SMIM3: variants seen among roughly 807,000 people sequenced by gnomAD.
The protein encoded by SMIM3 is NGF-induced differentiation clone 67 protein.
Under a neutral mutation model 2.1 loss-of-function variants are expected in SMIM3, and 4 were observed. That is an observed-to-expected ratio of 1.89 (90% CI 0.93 to 4.31). The LOEUF (loss-of-function observed/expected upper bound fraction) is 4.31. SMIM3 is among the 30% of genes most tolerant of loss of function. The probability of loss-of-function intolerance (pLI) is 0.01; values close to 1 mark genes in which losing one functional copy is unlikely to be tolerated. For missense variants in SMIM3, 79 were observed against 77.7 expected, an observed-to-expected ratio of 1.02 and a Z score of -0.06; for synonymous variants, 29 against 30.8, an observed-to-expected ratio of 0.94 and a Z score of 0.19.
At chr5:150,785,086 T>G (rs1357984637) in intron 1 of SMIM3, among the ~76,000 whole-genome samples, 1 of 106,434 alleles carries the variant, frequency 9.4e-6, no homozygotes, top group African/African-American at 6.0e-5. Flanking sequence ...AAAATGTCTT[T>G]TTTTTTTTTT....
intron 1 of SMIM3, among the ~76,000 whole-genome samples, chr5:150,779,736 G>A (rs1169572627): frequency 6.6e-6 from 1 of 151,972 alleles, no homozygotes; most frequent in Non-Finnish European, 1.5e-5. Flanking sequence ...CCTGTCTATC[G>A]TCATCTCTGA....
intron 1 of SMIM3, among the ~76,000 whole-genome samples, chr5:150,785,172 C>G (rs1158245623): frequency 6.9e-6 from 1 of 145,420 alleles, no homozygotes; most frequent in Admixed American, 7.1e-5. Context: ...ACTGCAACCT[C>G]TGCCTCCCAG....
chr5:150,782,095 G>T (rs991470119), intron 1 of SMIM3, among the ~76,000 whole-genome samples: 5 of 152,318 alleles, frequency 3.3e-5, no homozygotes, highest in Admixed American at 3.3e-4. Context: ...AGAGACAGGG[G>T]CCAGTTGGGG....
chr5:150,790,838 G>C (rs1753342574), intron 1 of SMIM3, among the ~76,000 whole-genome samples: 1 of 152,034 alleles, frequency 6.6e-6, no homozygotes, highest in South Asian at 2.1e-4. Context: ...ACTGTCTTAA[G>C]GTCACTTACC....
chr5:150,778,959 C>T lies in SMIM3; in HGVS notation c.-25C>T. 1 of 511,158 alleles carries T rather than the reference C, an allele frequency of 2.0e-6. No individual in the cohort carries two copies. The highest frequency in any genetic ancestry group is 1.5e-5 in the South Asian group (1 of 67,768). 31.7% of individuals were successfully genotyped at this position (511,158 alleles called of 1,614,324 possible). A position where few individuals can be genotyped will look rare whatever the true frequency, so the allele number is the denominator to read the frequency against. ...CTGACCCAGGAACTTTCCGCAGACTCGCCGCCATCTGGGGTGAGTGGGGCC... is the reference window on the plus strand; with the variant it reads ...CTGACCCAGGAACTTTCCGCAGACTTGCCGCCATCTGGGGTGAGTGGGGCC... On this transcript the variant is annotated 5_prime_UTR_variant, in exon 1 of 2. Coordinates refer to ENST00000526627, the MANE Select transcript of SMIM3 (RefSeq NM_032947.5).
At chr5:150,781,249 T>C (rs905401337) in intron 1 of SMIM3, among the ~76,000 whole-genome samples, 2 of 152,218 alleles carry the variant, frequency 1.3e-5, no homozygotes, top group Admixed American at 1.3e-4. Context: ...CTCTGTCACT[T>C]ACTTTCAGGG....
chr5:150,783,914 CT>C lies in SMIM3; in HGVS notation c.-12+4965del, dbSNP rs557905770. On this transcript the variant is annotated intron_variant, in intron 1 of 1. Transcript: ENST00000526627. ...ACTAATGGCAGAGGCTTTGAACTCCCTTTTTTTTTTTTTTTTTTTTTTTGAT... is the reference window on the plus strand; with the variant it reads ...ACTAATGGCAGAGGCTTTGAACTCCCTTTTTTTTTTTTTTTTTTTTTTGAT... Among the ~76,000 whole-genome samples the C allele has an allele frequency of 5.5e-3, 679 of 124,312 alleles. 3 individuals carry two copies. The highest frequency in any genetic ancestry group is 0.015 in the African/African-American group (445 of 29,776). 81.6% of individuals were successfully genotyped at this position (124,312 alleles called of 152,430 possible).
At chr5:150,779,677 G>A (rs1002798014) in intron 1 of SMIM3, among the ~76,000 whole-genome samples, 1 of 152,284 alleles carries the variant, frequency 6.6e-6, no homozygotes, top group Non-Finnish European at 1.5e-5. Context: ...GTTGCTGGTT[G>A]TTTTGCTCCC....
chr5:150,790,183 T>G (rs1169315227), intron 1 of SMIM3, among the ~76,000 whole-genome samples: 2 of 152,176 alleles, frequency 1.3e-5, no homozygotes, highest in African/African-American at 2.4e-5. Context: ...TCATTCTAGC[T>G]TTAATGTTCC....
intron 1 of SMIM3, among the ~76,000 whole-genome samples, chr5:150,790,094 T>A (rs1581622573): frequency 6.6e-6 from 1 of 152,240 alleles, no homozygotes; most frequent in South Asian, 2.1e-4. Flanking sequence ...TGTATTTGAA[T>A]GATTATTCCC....
chr5:150,792,628 G>A (rs926970120), intron 1 of SMIM3, among the ~76,000 whole-genome samples: 4 of 152,112 alleles, frequency 2.6e-5, no homozygotes, highest in African/African-American at 9.7e-5. Flanking sequence ...TGGACCTCCT[G>A]GGCTCAAGCA....
Position 150,778,874 on chromosome 5 carries a change from T to A in SMIM3, c.-110T>A. On this transcript the variant is annotated 5_prime_UTR_variant, in exon 1 of 2. Coordinates refer to ENST00000526627, the MANE Select transcript of SMIM3 (RefSeq NM_032947.5). Reference sequence around the variant, plus strand: ...AGGGCTGAGGTTCCAGGCCTGGGGGTCGCTTCCAGCTGCCAGATCCCGTGC... The same window carrying A: ...AGGGCTGAGGTTCCAGGCCTGGGGGACGCTTCCAGCTGCCAGATCCCGTGC... The A allele has an allele frequency of 2.0e-6, 1 of 490,350 alleles. No individual in the cohort carries two copies. The highest frequency in any genetic ancestry group is 4.2e-6 in the Non-Finnish European group (1 of 238,872). The allele number at this position is 490,350 out of a possible 1,614,324, so 30.4% of individuals were successfully genotyped here.
intron 1 of SMIM3, 122 bp from the exon 2 acceptor site, chr5:150,795,308 G>A: frequency 1.0e-6 from 1 of 1,000,810 alleles, no homozygotes; most frequent in South Asian, 1.3e-5. Flanking sequence ...TACTAATCAG[G>A]GAACCTTAAA....
intron 1 of SMIM3, among the ~76,000 whole-genome samples, chr5:150,779,910 T>C (rs554128617): frequency 1.4e-5 from 2 of 141,122 alleles, no homozygotes; most frequent in African/African-American, 2.6e-5. Context: ...CTCTTACTTA[T>C]GCAGCTGCAC....
rs550212578 is a variant in SMIM3 at position 150,790,279 on chromosome 5, G to A, written c.-11-5151G>A. 1.4e-4 allele frequency among the ~76,000 whole-genome samples: 21 copies of A among 152,226 alleles called. No homozygotes were observed. The East Asian group carries it at 3.5e-3, about 25-fold the overall frequency. On this transcript the variant is annotated intron_variant, in intron 1 of 1. Transcript: ENST00000526627. ...TATGAAAATCAGCCAGGGTGATTAC[G>A]TCTTCCTGGCATTTGAAGTCAGGAA...
At chr5:150,792,716 G>C (rs537138115) in intron 1 of SMIM3, among the ~76,000 whole-genome samples, 7 of 152,130 alleles carry the variant, frequency 4.6e-5, no homozygotes, top group African/African-American at 1.7e-4. Context: ...CATTAAATTA[G>C]ATTAAATTAG....
chr5:150,794,365 C>T (rs1329385786), intron 1 of SMIM3, among the ~76,000 whole-genome samples: 1 of 152,146 alleles, frequency 6.6e-6, no homozygotes. Context: ...AATACTTGCA[C>T]ATACATGTTT....
At chr5:150,793,563 C>T (rs1753369984) in intron 1 of SMIM3, among the ~76,000 whole-genome samples, 1 of 152,050 alleles carries the variant, frequency 6.6e-6, no homozygotes, top group African/African-American at 2.4e-5. Context: ...CAAAAACATG[C>T]AATGGGGAAG....
chr5:150,788,708 A>G (rs1262558676), intron 1 of SMIM3, among the ~76,000 whole-genome samples: 1 of 151,208 alleles, frequency 6.6e-6, no homozygotes, highest in African/African-American at 2.4e-5. Context: ...TTTTCCCCCC[A>G]CCTTATATTT....
Sources: allele counts gnomAD v4.1 joint callset (sites outside exome capture counted in the v4.1 genomes callset), GRCh38; gene constraint gnomAD v4.1.1; transcripts MANE v1.5; gene names NCBI Gene and HGNC (gene_info 2026-07-23, HGNC 2026-07-21).